Variants in MAP4K4 observed in about 807,000 individuals in gnomAD.
The protein encoded by MAP4K4 is mitogen-activated protein kinase kinase kinase kinase 4.
Under a neutral mutation model 189.6 loss-of-function variants are expected in MAP4K4, and 38 were observed. The observed-to-expected ratio is 0.20, with a 90% CI of 0.15 to 0.26. The LOEUF (loss-of-function observed/expected upper bound fraction) is 0.26, where lower values mean the gene tolerates loss of function less well. MAP4K4 is among the 10% of genes least tolerant of loss of function. The pLI is 1.00. For synonymous variants in MAP4K4, 610 were observed against 624.3 expected (o/e 0.98, Z 0.34); for missense variants, 1,054 against 1,726.9 (o/e 0.61, Z 6.91).
intron 2 of MAP4K4, among the ~76,000 whole-genome samples, chr2:101,787,866 C>T (rs1482997445): frequency 1.5e-4 from 23 of 149,048 alleles, no homozygotes; most frequent in East Asian, 1.2e-3. Context: ...TGCAGTGGCA[C>T]GATCTCAGCT....
intron 3 of MAP4K4, among the ~76,000 whole-genome samples, chr2:101,794,253 C>T (rs943965788): frequency 4.6e-5 from 7 of 151,990 alleles, no homozygotes; most frequent in African/African-American, 7.2e-5. Context: ...TCTCATGTAC[C>T]GTTCATTCAG....
At chr2:101,867,979 C>A in intron 20 of MAP4K4, 50 bp from the exon 21 acceptor site, 1 of 1,605,894 alleles carries the variant, frequency 6.2e-7, no homozygotes, top group Non-Finnish European at 8.5e-7. Flanking sequence ...ACTGTGCATT[C>A]CTCATCAACG....
At chr2:101,821,967 C>T (rs1035197667) in intron 3 of MAP4K4, among the ~76,000 whole-genome samples, 8 of 152,206 alleles carry the variant, frequency 5.3e-5, no homozygotes, top group Non-Finnish European at 1.0e-4. Flanking sequence ...TGGTCAGGCT[C>T]ATCAGTATCC....
chr2:101,822,707 G>A (rs1162044621), intron 3 of MAP4K4, among the ~76,000 whole-genome samples: 1 of 152,136 alleles, frequency 6.6e-6, no homozygotes, highest in East Asian at 1.9e-4. Context: ...GTGTGTGTGA[G>A]TATGTGCGTA....
intron 2 of MAP4K4, among the ~76,000 whole-genome samples, chr2:101,764,934 G>A (rs982857954): frequency 6.6e-6 from 1 of 152,108 alleles, no homozygotes; most frequent in Non-Finnish European, 1.5e-5. Flanking sequence ...AGCATTATTA[G>A]TTGGACAAAC....
chr2:101,878,875 TAAGTA>T (rs879412438), intron 27 of MAP4K4, among the ~76,000 whole-genome samples: 27 of 152,338 alleles, frequency 1.8e-4, no homozygotes, highest in African/African-American at 2.4e-4. Context: ...CTTTGGTTGT[TAAGTA>T]AAGGAGTTTC....
chr2:101,707,035 A>C (rs544842064), intron 2 of MAP4K4, among the ~76,000 whole-genome samples: 24 of 152,086 alleles, frequency 1.6e-4, no homozygotes, highest in African/African-American at 5.8e-4. Flanking sequence ...AAATATGCAA[A>C]CTTTCATCAG....
chr2:101,746,473 C>T (rs1406407069), intron 2 of MAP4K4, among the ~76,000 whole-genome samples: 1 of 151,924 alleles, frequency 6.6e-6, no homozygotes, highest in Admixed American at 6.6e-5. Context: ...CATGGTAATA[C>T]ATATTATATT....
intron 2 of MAP4K4, among the ~76,000 whole-genome samples, chr2:101,721,150 A>G (rs1304532932): frequency 6.6e-6 from 1 of 152,204 alleles, no homozygotes; most frequent in Non-Finnish European, 1.5e-5. Context: ...TCAGTAGACT[A>G]TGAGGTTTAA....
intron 28 of MAP4K4, among the ~76,000 whole-genome samples, chr2:101,884,415 G>A (rs1411061391): frequency 2.6e-5 from 4 of 152,142 alleles, no homozygotes; most frequent in East Asian, 1.9e-4. Context: ...CTTAATGTTC[G>A]TTTATTGATT....
intron 2 of MAP4K4, among the ~76,000 whole-genome samples, chr2:101,726,734 GGTTT>G (rs2149513479): frequency 6.6e-6 from 1 of 152,210 alleles, no homozygotes; most frequent in African/African-American, 2.4e-5. Context: ...AATGTTTTGT[GGTTT>G]GTTTGGCTGG....
At chr2:101,825,533 A>T (rs1256324207) in intron 5 of MAP4K4, 104 bp downstream of exon 5, 1 of 602,618 alleles carries the variant, frequency 1.7e-6, no homozygotes, top group African/African-American at 1.9e-5. Flanking sequence ...ATCTATATAG[A>T]TTATTCTCTT....
At chr2:101,746,686 C>CG (rs1404890097) in intron 2 of MAP4K4, among the ~76,000 whole-genome samples, 1 of 151,968 alleles carries the variant, frequency 6.6e-6, no homozygotes, top group East Asian at 1.9e-4. Context: ...TTTAAGCTCA[C>CG]GTTAAAACTA....
At chr2:101,763,022 C>T (rs59126696) in intron 2 of MAP4K4, among the ~76,000 whole-genome samples, 3,363 of 152,226 alleles carry the variant, frequency 0.022, 105 homozygotes, top group African/African-American at 0.076. Flanking sequence ...CCAGAAGATT[C>T]TAGCTGCAAA....
At chr2:101,779,695 G>A (rs997734968) in intron 2 of MAP4K4, among the ~76,000 whole-genome samples, 1 of 151,996 alleles carries the variant, frequency 6.6e-6, no homozygotes, top group Non-Finnish European at 1.5e-5. Context: ...GCATGAGAGT[G>A]CTCTGGCTTT....
intron 3 of MAP4K4, among the ~76,000 whole-genome samples, chr2:101,804,246 TG>T (rs371042012): frequency 1.3e-5 from 2 of 152,342 alleles, no homozygotes; most frequent in East Asian, 3.9e-4. Context: ...CAGATCGTTT[TG>T]CAATTTGTTT....
intron 2 of MAP4K4, among the ~76,000 whole-genome samples, chr2:101,768,749 A>G (rs186397232): frequency 6.6e-6 from 1 of 152,292 alleles, no homozygotes; most frequent in East Asian, 1.9e-4. Flanking sequence ...CAACAGTCTA[A>G]ATCTAAGGGT....
intron 6 of MAP4K4, among the ~76,000 whole-genome samples, chr2:101,831,314 G>T (rs773288725): frequency 3.9e-5 from 6 of 152,022 alleles, no homozygotes; most frequent in Non-Finnish European, 8.8e-5. Context: ...TATCTTTATG[G>T]TTATTAGTGC....
At chr2:101,894,558 A>G (rs747129316) in exon 33 of MAP4K4, 1 of 152,814 alleles carries the variant, frequency 6.5e-6, no homozygotes, top group Non-Finnish European at 1.5e-5. Context: ...TACTAATTAT[A>G]AAAGCTGCAA....
Sources: allele counts gnomAD v4.1 joint callset (sites outside exome capture counted in the v4.1 genomes callset), GRCh38; gene constraint gnomAD v4.1.1; transcripts MANE v1.5; gene names NCBI Gene and HGNC (gene_info 2026-07-23, HGNC 2026-07-21).